The following FHIP1A variants were observed in gnomAD, a reference collection of about 807,000 sequenced individuals.
FHIP1A encodes FHF complex subunit HOOK-interacting protein 1A.
FHIP1A carries 61 observed loss-of-function variants against 88.6 expected under a neutral mutation model. The observed-to-expected ratio is 0.69, with a 90% CI of 0.56 to 0.85. FHIP1A has a LOEUF of 0.85. FHIP1A is among the 40% of genes least tolerant of loss of function. The pLI, the probability that FHIP1A is intolerant of heterozygous loss-of-function variation, is 0.00. For missense variants in FHIP1A, 1,154 were observed against 1,273.5 expected (o/e 0.91, Z 1.43); for synonymous variants, 478 against 496.0 (o/e 0.96, Z 0.48).
chr4:151,555,546 A>T (rs1170817337), intron 3 of FHIP1A, among the ~76,000 whole-genome samples: 2 of 152,188 alleles, frequency 1.3e-5, no homozygotes, highest in East Asian at 3.8e-4. Flanking sequence ...GAAAGTTCTT[A>T]AAAGGTTTTT....
intron 2 of FHIP1A, among the ~76,000 whole-genome samples, chr4:151,469,732 A>G (rs73861829): frequency 0.02 from 3,105 of 152,290 alleles, 104 homozygotes; most frequent in African/African-American, 0.07. Context: ...TTAAAACAAA[A>G]CTTAGATATA....
intron 3 of FHIP1A, among the ~76,000 whole-genome samples, chr4:151,486,441 G>A (rs771872916): frequency 1.3e-5 from 2 of 152,178 alleles, no homozygotes; most frequent in Admixed American, 6.5e-5. Context: ...GATTCAATAC[G>A]TCTTGGATAA....
chr4:151,587,717 A>C (rs1422478705), intron 6 of FHIP1A, among the ~76,000 whole-genome samples: 1 of 152,054 alleles, frequency 6.6e-6, no homozygotes, highest in Non-Finnish European at 1.5e-5. Context: ...TTTATCTACC[A>C]AATAAAGAAA....
intron 1 of FHIP1A, among the ~76,000 whole-genome samples, chr4:151,420,377 CATA>C (rs1733076599): frequency 2.8e-5 from 1 of 35,594 alleles, no homozygotes; most frequent in Non-Finnish European, 7.1e-5. Flanking sequence ...TTTTTGGCTG[CATA>C]AATGTCTTCT....
chr4:151,654,066 A>G (rs1737137322), intron 11 of FHIP1A, among the ~76,000 whole-genome samples: 1 of 149,578 alleles, frequency 6.7e-6, no homozygotes, highest in Non-Finnish European at 1.5e-5. Context: ...TTTTTTGTTA[A>G]GCAGGGTTTT....
Position 151,662,787 on chromosome 4 carries a change from T to A in FHIP1A, c.*33T>A, listed in dbSNP as rs766671091. 3 of 1,446,082 alleles carry A rather than the reference T, an allele frequency of 2.1e-6. No homozygotes were observed. The Middle Eastern group carries it at 5.6e-4, about 268-fold the overall frequency. The allele number at this position is 1,446,082 out of a possible 1,614,324, so 89.6% of individuals were successfully genotyped here. A position where few individuals can be genotyped will look rare whatever the true frequency, so the allele number is the denominator to read the frequency against. ...TTTTTTTTTTAATAGAGGTTCTTGTTTTGTAAGGTTTTAGTGTCTTGACTG... is the reference window on the plus strand; with the variant it reads ...TTTTTTTTTTAATAGAGGTTCTTGTATTGTAAGGTTTTAGTGTCTTGACTG... On this transcript the variant is annotated 3_prime_UTR_variant, in exon 14 of 14. Coordinates refer to ENST00000435205, the MANE Select transcript of FHIP1A (RefSeq NM_001109977.3).
At chr4:151,489,211 A>G (rs1050686467) in intron 3 of FHIP1A, among the ~76,000 whole-genome samples, 8 of 152,202 alleles carry the variant, frequency 5.3e-5, no homozygotes, top group African/African-American at 1.9e-4. Context: ...CCTCACCTAG[A>G]GCTGAAACGG....
intron 7 of FHIP1A, among the ~76,000 whole-genome samples, chr4:151,618,442 T>G (rs1376523333): frequency 6.6e-6 from 1 of 152,172 alleles, no homozygotes; most frequent in Non-Finnish European, 1.5e-5. Flanking sequence ...GTGAGAGGAA[T>G]AGAGGATATG....
chr4:151,668,230 G>A lies in FHIP1A; in HGVS notation c.*5476G>A, dbSNP rs1334622968. The stretch of plus-strand genomic sequence containing the variant: ...ACTTCCATGCTGCTTTTGGTAATGG[G>A]TAAAGAATATGGCCTTTCAGATAGA... On this transcript the variant is annotated 3_prime_UTR_variant, in exon 14 of 14. Coordinates refer to ENST00000435205, the MANE Select transcript of FHIP1A (RefSeq NM_001109977.3). 1.3e-5 allele frequency among the ~76,000 whole-genome samples: 2 copies of A among 152,138 alleles called. No individual in the cohort carries two copies. The highest frequency in any genetic ancestry group is 4.8e-5 in the African/African-American group (2 of 41,416).
At chr4:151,431,297 G>A (rs918768501) in intron 1 of FHIP1A, among the ~76,000 whole-genome samples, 11 of 152,040 alleles carry the variant, frequency 7.2e-5, no homozygotes, top group Non-Finnish European at 1.0e-4. Flanking sequence ...GCCCTGGCCC[G>A]CCACTCCCTA....
chr4:151,662,814 A>G lies in FHIP1A; in HGVS notation c.*60A>G, dbSNP rs1737521038. On this transcript the variant is annotated 3_prime_UTR_variant, in exon 14 of 14. Coordinates refer to ENST00000435205, the MANE Select transcript of FHIP1A (RefSeq NM_001109977.3). ...TGTAAGGTTTTAGTGTCTTGACTGAATGTTAAATGCAAAGCTGCTTACAAA... is the reference window on the plus strand; with the variant it reads ...TGTAAGGTTTTAGTGTCTTGACTGAGTGTTAAATGCAAAGCTGCTTACAAA... The G allele has an allele frequency of 7.4e-7, 1 of 1,348,032 alleles. No homozygotes were observed. The highest frequency in any genetic ancestry group is 1.5e-5 in the African/African-American group (1 of 66,730). The allele number at this position is 1,348,032 out of a possible 1,614,324, so 83.5% of individuals were successfully genotyped here.
At chr4:151,541,573 A>G (rs1296390880) in intron 3 of FHIP1A, among the ~76,000 whole-genome samples, 4 of 152,174 alleles carry the variant, frequency 2.6e-5, no homozygotes, top group Admixed American at 2.6e-4. Context: ...ATAGGCTTTT[A>G]TGCAACACTG....
At chr4:151,659,363 C>G (rs565366975) in intron 13 of FHIP1A, among the ~76,000 whole-genome samples, 1 of 152,182 alleles carries the variant, frequency 6.6e-6, no homozygotes, top group African/African-American at 2.4e-5. Flanking sequence ...TTTACTGTGA[C>G]ATGATTTCCT....
At chr4:151,614,628 T>A (rs1453435898) in intron 7 of FHIP1A, among the ~76,000 whole-genome samples, 2 of 152,160 alleles carry the variant, frequency 1.3e-5, no homozygotes, top group Non-Finnish European at 2.9e-5. Flanking sequence ...CACTGTTTTG[T>A]GATTAGAGTA....
chr4:151,422,224 A>AAT (rs140940462), intron 1 of FHIP1A, among the ~76,000 whole-genome samples: 48,166 of 150,060 alleles, frequency 0.32, 9,136 homozygotes, highest in Non-Finnish European at 0.43. Flanking sequence ...ACATTAAAAA[A>AAT]ATATATATAT....
At chr4:151,445,849 A>ATATATATATATATATAT (rs368551229) in intron 1 of FHIP1A, among the ~76,000 whole-genome samples, 2 of 97,996 alleles carry the variant, frequency 2.0e-5, no homozygotes, top group African/African-American at 7.0e-5. Flanking sequence ...CATCTCTTAA[A>ATATATATATATATATAT]ATATATATAT....
chr4:151,616,341 A>T (rs1578821709), intron 7 of FHIP1A, among the ~76,000 whole-genome samples: 1 of 152,152 alleles, frequency 6.6e-6, no homozygotes, highest in Non-Finnish European at 1.5e-5. Flanking sequence ...CCTGTGGGCA[A>T]ACATTCCCAA....
intron 1 of FHIP1A, among the ~76,000 whole-genome samples, chr4:151,433,095 G>C (rs1009656287): frequency 6.6e-6 from 1 of 152,080 alleles, no homozygotes; most frequent in Non-Finnish European, 1.5e-5. Flanking sequence ...AAGCCTTTCG[G>C]GTTAGGCCTG....
intron 2 of FHIP1A, among the ~76,000 whole-genome samples, chr4:151,462,505 G>C (rs970740454): frequency 6.6e-6 from 1 of 152,158 alleles, no homozygotes; most frequent in African/African-American, 2.4e-5. Context: ...ACATTCAAAA[G>C]AAGGATTCAT....
Sources: gnomAD v4.1 joint callset for allele counts (sites outside exome capture counted in the v4.1 genomes callset) on GRCh38, gnomAD v4.1.1 for gene constraint, MANE v1.5 for transcripts, NCBI Gene and HGNC (gene_info 2026-07-23, HGNC 2026-07-21) for gene names.